The following PTBP2 variants were observed in gnomAD, a reference collection of about 807,000 sequenced individuals.
PTBP2 encodes the protein polypyrimidine tract-binding protein 2.
In PTBP2, 13 loss-of-function variants were observed where a neutral mutation model predicts 61.4. That is an observed-to-expected ratio of 0.21 (90% CI 0.14 to 0.34). The LOEUF is 0.34. Ranked by LOEUF, PTBP2 falls within the 10% of genes least tolerant of loss-of-function variation. PTBP2 has a pLI of 1.00. For missense variants in PTBP2, 405 were observed against 642.6 expected, an observed-to-expected ratio of 0.63 and a Z score of 4.00; for synonymous variants, 215 against 218.5, an observed-to-expected ratio of 0.98 and a Z score of 0.14.
chr1:96,723,667 G>T, intron 2 of PTBP2, 73 bp downstream of exon 2: 1 of 1,400,482 alleles, frequency 7.1e-7, no homozygotes, highest in African/African-American at 1.4e-5. Context: ...TTTAGCTTTT[G>T]CTTTTGAAAA....
chr1:96,753,582 G>A (rs1303677030), intron 3 of PTBP2, among the ~76,000 whole-genome samples: 3 of 151,816 alleles, frequency 2.0e-5, no homozygotes, highest in Non-Finnish European at 4.4e-5. Context: ...AAGCAGGAAA[G>A]TAACCCATGA....
chr1:96,723,127 G>A (rs1222273359), intron 1 of PTBP2, among the ~76,000 whole-genome samples: 1 of 152,078 alleles, frequency 6.6e-6, no homozygotes, highest in Non-Finnish European at 1.5e-5. Context: ...TTATTTTCCA[G>A]ATGAAACAAA....
At chr1:96,784,852 G>A in intron 7 of PTBP2, 1 of 455,622 alleles carries the variant, frequency 2.2e-6, no homozygotes, top group Non-Finnish European at 3.8e-6. Flanking sequence ...GGTTGAAGTA[G>A]CATTTTCTAT....
chr1:96,734,313 A>G (rs370259770), intron 2 of PTBP2, among the ~76,000 whole-genome samples: 6 of 152,184 alleles, frequency 3.9e-5, no homozygotes, highest in African/African-American at 1.2e-4. Flanking sequence ...GCTTCAGTGT[A>G]TATCTTTAAA....
chr1:96,799,449 C>T (rs1660757910), intron 8 of PTBP2, among the ~76,000 whole-genome samples: 1 of 151,912 alleles, frequency 6.6e-6, no homozygotes. Context: ...GTGCCTGCCA[C>T]CACGCCCAGC....
At chr1:96,746,529 A>G (rs1653787660) in intron 2 of PTBP2, among the ~76,000 whole-genome samples, 1 of 151,730 alleles carries the variant, frequency 6.6e-6, no homozygotes, top group Non-Finnish European at 1.5e-5. Flanking sequence ...CTTATTATTT[A>G]ACTGATTTTG....
At chr1:96,775,707 T>C (rs1317003277) in intron 5 of PTBP2, among the ~76,000 whole-genome samples, 3 of 152,134 alleles carry the variant, frequency 2.0e-5, no homozygotes, top group Non-Finnish European at 2.9e-5. Context: ...GTGTGTAATA[T>C]TTTGATAAGA....
At chr1:96,750,123 G>T (rs1357817044) in intron 2 of PTBP2, among the ~76,000 whole-genome samples, 1 of 151,780 alleles carries the variant, frequency 6.6e-6, no homozygotes, top group Non-Finnish European at 1.5e-5. Flanking sequence ...TATTCAGTAG[G>T]TCTGGGATTG....
chr1:96,774,436 T>C (rs1242573928), intron 5 of PTBP2, among the ~76,000 whole-genome samples: 2 of 152,246 alleles, frequency 1.3e-5, no homozygotes, highest in African/African-American at 4.8e-5. Flanking sequence ...CAGCTAATGA[T>C]AACCTTCCCT....
At chr1:96,762,648 G>A (rs1206624091) in intron 3 of PTBP2, among the ~76,000 whole-genome samples, 161 of 150,242 alleles carry the variant, frequency 1.1e-3, no homozygotes, top group African/African-American at 3.7e-3. Context: ...CCTCCCGGAA[G>A]GGGCGGCTGG....
At chr1:96,800,587 A>G (rs1570997865) in intron 8 of PTBP2, among the ~76,000 whole-genome samples, 1 of 152,074 alleles carries the variant, frequency 6.6e-6, no homozygotes, top group East Asian at 1.9e-4. Context: ...AAAAAAAATT[A>G]GCCATGCCTG....
intron 2 of PTBP2, among the ~76,000 whole-genome samples, chr1:96,746,419 CT>C (rs1180422342): frequency 6.6e-6 from 1 of 152,114 alleles, no homozygotes; most frequent in Non-Finnish European, 1.5e-5. Flanking sequence ...TTAATGAGGT[CT>C]TACATCTTTT....
At chr1:96,762,818 CA>C (rs910699958) in intron 3 of PTBP2, among the ~76,000 whole-genome samples, 7 of 150,664 alleles carry the variant, frequency 4.6e-5, no homozygotes, top group African/African-American at 1.7e-4. Context: ...CCTCACTTCT[CA>C]GATGGGGCGG....
chr1:96,806,346 C>A, intron 9 of PTBP2, 73 bp from the exon 10 acceptor site: 1 of 1,189,994 alleles, frequency 8.4e-7, no homozygotes, highest in South Asian at 1.2e-5. Context: ...TATGGATGAT[C>A]TGTTCATCTC....
At chr1:96,779,083 T>C (rs1570918459) in intron 7 of PTBP2, among the ~76,000 whole-genome samples, 1 of 152,122 alleles carries the variant, frequency 6.6e-6, no homozygotes, top group Non-Finnish European at 1.5e-5. Flanking sequence ...TTTTCAGTCT[T>C]AGCCTTTCTC....
intron 3 of PTBP2, among the ~76,000 whole-genome samples, chr1:96,752,931 A>G (rs572641499): frequency 1.8e-4 from 27 of 152,186 alleles, no homozygotes; most frequent in Admixed American, 7.2e-4. Context: ...GTCTTGGACT[A>G]TTTTACTGCT....
At position 96,777,748 on chromosome 1, in the gene PTBP2, A is replaced by G; in HGVS notation, c.596A>G (p.Gln199Arg). The G allele has an allele frequency of 1.3e-6, 2 of 1,592,912 alleles. No individual in the cohort carries two copies. Residue 199 changes from glutamine (Q) to arginine (R), a missense_variant and splice_region_variant, in exon 6 of 14, where the codon CAA becomes CGA. Gln to Arg is a conservative substitution (Grantham distance 43). Around this residue, in one of 4 missense-constraint regions of PTBP2, gnomAD observed 342 missense variants for 491.2 expected, o/e 0.70. Coordinates refer to ENST00000674951, the MANE Select transcript of PTBP2 (RefSeq NM_021190.4). ...CCTGTAACACTTGATGTTCTTCACC[A>G]AGTAAGTTTAATCTGCATAATTACC... The part of the protein sequence containing the change: ...YYPVTLDVLH[Q>R]IFSKFGAVLK...
chr1:96,771,217 T>A (rs1465619771), intron 5 of PTBP2: 13 of 154,318 alleles, frequency 8.4e-5, no homozygotes, highest in South Asian at 2.0e-4. Context: ...TTACGGAAAA[T>A]TTTTTTTTGA....
At position 96,805,412 on chromosome 1, in the gene PTBP2, A is replaced by G. The variant is rs560404420; in HGVS notation, c.1044+473A>G. On this transcript the variant is annotated intron_variant, in intron 9 of 13. Coordinates refer to ENST00000674951, the MANE Select transcript of PTBP2 (RefSeq NM_021190.4). ...TTTGAAGGTTCTTCCAAAGATCTTGACGAGGCACTCTTCCCGTCTTTCTTA... is the reference window on the plus strand; with the variant it reads ...TTTGAAGGTTCTTCCAAAGATCTTGGCGAGGCACTCTTCCCGTCTTTCTTA... Among the ~76,000 whole-genome samples, 5 of 152,228 alleles carry G rather than the reference A, an allele frequency of 3.3e-5. No homozygotes were observed. In the South Asian group the frequency reaches 1.0e-3, roughly 32 times the overall value.
Sources: allele counts gnomAD v4.1 joint callset (sites outside exome capture counted in the v4.1 genomes callset), GRCh38; gene constraint gnomAD v4.1.1; regional missense constraint gnomAD v4.1.1; transcripts MANE v1.5; gene names NCBI Gene and HGNC (gene_info 2026-07-23, HGNC 2026-07-21).